Variants in FUT8 observed in about 807,000 individuals in gnomAD.
FUT8 encodes the protein fucosyltransferase 8.
FUT8 carries 29 observed loss-of-function variants against 71.3 expected under a neutral mutation model. The observed-to-expected ratio is 0.41, with a 90% CI of 0.30 to 0.55. The LOEUF (loss-of-function observed/expected upper bound fraction) is 0.55. Among genes scored for constraint, FUT8 ranks in the 20% least tolerant of loss-of-function variants. The pLI, the probability that FUT8 is intolerant of heterozygous loss-of-function variation, is 0.34. For synonymous variants in FUT8, 254 were observed against 239.3 expected (o/e 1.06, Z -0.57); for missense variants, 544 against 702.1 (o/e 0.77, Z 2.55).
intron 2 of FUT8, among the ~76,000 whole-genome samples, chr14:65,542,922 A>G (rs963404257): frequency 2.6e-5 from 4 of 152,008 alleles, no homozygotes; most frequent in African/African-American, 9.7e-5. Context: ...AGCTGGGGTT[A>G]CAGGCATGCG....
At chr14:65,456,318 T>G (rs558310977) in intron 2 of FUT8, among the ~76,000 whole-genome samples, 204 of 152,194 alleles carry the variant, frequency 1.3e-3, no homozygotes, top group Non-Finnish European at 2.1e-3. Context: ...CAATGTTATT[T>G]AATTGGAATC....
At chr14:65,709,557 G>A (rs888688895) in intron 7 of FUT8, among the ~76,000 whole-genome samples, 3 of 152,182 alleles carry the variant, frequency 2.0e-5, no homozygotes, top group Admixed American at 1.3e-4. Flanking sequence ...GTAGGGGTGA[G>A]AGTGAACAGG....
chr14:65,462,867 G>C (rs979350250), intron 2 of FUT8, among the ~76,000 whole-genome samples: 1 of 152,174 alleles, frequency 6.6e-6, no homozygotes, highest in African/African-American at 2.4e-5. Context: ...TGAAGTAGGA[G>C]AAAGGACGGA....
chr14:65,468,226 A>G (rs2066076641), intron 2 of FUT8: 6 of 626,898 alleles, frequency 9.6e-6, no homozygotes, highest in South Asian at 5.5e-5. Flanking sequence ...CTTGATGTCT[A>G]CAATATCACC....
Position 65,603,341 on chromosome 14 carries a change from A to G in FUT8, c.204-12637A>G, listed in dbSNP as rs1270598091. Among the ~76,000 whole-genome samples, 5 of 151,206 alleles carry G rather than the reference A, an allele frequency of 3.3e-5. No homozygotes were observed. Among genetic ancestry groups the G allele is most frequent in the South Asian group, 2.1e-4 (1 of 4,734 alleles). ...TTCTGTTCAGTTGGTCTTTGTGGCT[A>G]TTTTTATACCACTACCACACTGTTT... On this transcript the variant is annotated intron_variant, in intron 3 of 10. Coordinates refer to ENST00000673929, the MANE Select transcript of FUT8 (RefSeq NM_001371533.1). The surrounding 1 kb of genome is among the most constrained non-coding windows in gnomAD (Gnocchi z 4.5).
At chr14:65,516,646 A>G (rs1222880062) in intron 2 of FUT8, among the ~76,000 whole-genome samples, 3 of 152,186 alleles carry the variant, frequency 2.0e-5, no homozygotes, top group Admixed American at 6.5e-5. Flanking sequence ...CTAGAAGTCT[A>G]TAATTTTACA....
intron 2 of FUT8, among the ~76,000 whole-genome samples, chr14:65,473,587 C>T (rs922252912): frequency 3.9e-5 from 6 of 152,178 alleles, no homozygotes; most frequent in South Asian, 4.1e-4. Context: ...ATTCTAGACA[C>T]TCATACTTAG....
At chr14:65,511,773 CTG>C (rs1356215971) in intron 2 of FUT8, among the ~76,000 whole-genome samples, 1 of 152,100 alleles carries the variant, frequency 6.6e-6, no homozygotes, top group Non-Finnish European at 1.5e-5. Context: ...TATTTTCAAT[CTG>C]TGTGTGTCTT....
At chr14:65,597,357 G>A (rs1406937363) in intron 3 of FUT8, among the ~76,000 whole-genome samples, 4 of 152,168 alleles carry the variant, frequency 2.6e-5, no homozygotes, top group South Asian at 2.1e-4. Context: ...GGCCGGGTGC[G>A]ATGGCTCACG....
At chr14:65,454,036 A>G (rs2065864616) in intron 1 of FUT8, among the ~76,000 whole-genome samples, 1 of 152,182 alleles carries the variant, frequency 6.6e-6, no homozygotes, top group Non-Finnish European at 1.5e-5. Context: ...ACAGATCTAC[A>G]CTAATTGTTG....
intron 3 of FUT8, among the ~76,000 whole-genome samples, chr14:65,565,880 A>G (rs559704083): frequency 1.3e-5 from 2 of 151,850 alleles, no homozygotes; most frequent in African/African-American, 4.8e-5. Flanking sequence ...TTTTCTTTTA[A>G]TAAGTTCTTT....
rs1285327771 is a variant in FUT8 at position 65,483,313 on chromosome 14, T to A, written c.-228+27595T>A. ...TGTTCTGTGTCAGCCTAGGGAGCAT[T>A]GGCTACTCTTAAGAGTTCTCTTTAT... is the stretch of plus-strand genomic sequence containing the variant. On this transcript the variant is annotated intron_variant, in intron 2 of 10. Coordinates refer to ENST00000673929, the MANE Select transcript of FUT8 (RefSeq NM_001371533.1). This position sits in a 1 kb window ranked among gnomAD's most constrained non-coding sequence, Gnocchi z 4.4. 6.6e-6 allele frequency among the ~76,000 whole-genome samples: 1 copy of A among 152,220 alleles called. No homozygotes were observed. The highest frequency in any genetic ancestry group is 1.9e-4 in the East Asian group (1 of 5,196).
intron 6 of FUT8, among the ~76,000 whole-genome samples, chr14:65,649,303 T>C (rs565478935): frequency 5.1e-4 from 77 of 152,328 alleles, no homozygotes; most frequent in African/African-American, 1.6e-3. Context: ...GTTTGTTTGG[T>C]TGGGGATGTT....
chr14:65,610,792 TTTGTCTATAGGAAGAA>T (rs1888847216), intron 3 of FUT8, among the ~76,000 whole-genome samples: 1 of 151,908 alleles, frequency 6.6e-6, no homozygotes, highest in Non-Finnish European at 1.5e-5. Context: ...TAAAAAAAAT[TTTGTCTATAGGAAGAA>T]TTACATTGAT....
In FUT8 at chr14:65,467,017, T is replaced by G. The variant is rs1395101925; in HGVS notation, c.-228+11299T>G. 1.3e-5 allele frequency among the ~76,000 whole-genome samples: 2 copies of G among 152,220 alleles called. No individual in the cohort carries two copies. Among genetic ancestry groups the G allele is most frequent in the East Asian group, 3.8e-4 (2 of 5,200 alleles). ...ACAAGTTGTTATCTGTTAGATGAATTAAGGATCAGAAAAACAAAAGATTTA... is the reference window on the plus strand; with the variant it reads ...ACAAGTTGTTATCTGTTAGATGAATGAAGGATCAGAAAAACAAAAGATTTA... On this transcript the variant is annotated intron_variant, in intron 2 of 10. Transcript: ENST00000673929. The surrounding 1 kb of genome is among the most constrained non-coding windows in gnomAD (Gnocchi z 4.1).
chr14:65,424,606 C>T (rs940819323), intron 1 of FUT8, among the ~76,000 whole-genome samples: 9 of 145,170 alleles, frequency 6.2e-5, no homozygotes, highest in Admixed American at 3.5e-4. Context: ...GGCACGATCT[C>T]GGCTCACTGC....
intron 7 of FUT8, among the ~76,000 whole-genome samples, chr14:65,684,745 T>C: frequency 6.6e-6 from 1 of 152,154 alleles, no homozygotes; most frequent in East Asian, 1.9e-4. Flanking sequence ...TCCCCTGCTC[T>C]CACTTCTCTC....
intron 6 of FUT8, among the ~76,000 whole-genome samples, chr14:65,642,016 A>C (rs1380465125): frequency 2.6e-5 from 4 of 152,092 alleles, no homozygotes; most frequent in Non-Finnish European, 5.9e-5. Context: ...TGTCTTTTGA[A>C]AGGCAAAAGT....
At chr14:65,504,997 A>G (rs1336818592) in intron 2 of FUT8, among the ~76,000 whole-genome samples, 1 of 152,250 alleles carries the variant, frequency 6.6e-6, no homozygotes, top group Non-Finnish European at 1.5e-5. Flanking sequence ...TTATTGATGC[A>G]GTATCACTAT....
Sources: gnomAD v4.1 joint callset for allele counts (sites outside exome capture counted in the v4.1 genomes callset) on GRCh38, gnomAD v4.1.1 for gene constraint, Gnocchi (gnomAD v3.1) non-coding constraint, MANE v1.5 for transcripts, NCBI Gene and HGNC (gene_info 2026-07-23, HGNC 2026-07-21) for gene names.